Variants in UGT1A8 observed in about 807,000 individuals in gnomAD.
UGT1A8 encodes UDP-glucuronosyltransferase 1A8.
In UGT1A8, 39 loss-of-function variants were observed where a neutral mutation model predicts 45.3. That is an observed-to-expected ratio of 0.86 (90% confidence interval 0.67 to 1.12). The LOEUF is 1.12. Ranked by LOEUF, UGT1A8 falls within the 50% of genes most tolerant of loss-of-function variation. The probability of loss-of-function intolerance (pLI) is 0.00; values close to 1 mark genes in which losing one functional copy is unlikely to be tolerated. For synonymous variants in UGT1A8, 275 were observed against 249.2 expected (o/e 1.10, Z -0.97); for missense variants, 719 against 664.9 (o/e 1.08, Z -0.90).
chr2:233,644,877 GTAGA>G (rs1464039375), intron 1 of UGT1A8, among the ~76,000 whole-genome samples: 3 of 152,138 alleles, frequency 2.0e-5, no homozygotes, highest in Non-Finnish European at 2.9e-5. Context: ...TTTTTCCTGT[GTAGA>G]TAGTTGCTAA....
At chr2:233,707,081 A>G (rs1294387634) in intron 1 of UGT1A8, among the ~76,000 whole-genome samples, 1 of 152,056 alleles carries the variant, frequency 6.6e-6, no homozygotes, top group Non-Finnish European at 1.5e-5. Flanking sequence ...CATGTGCTCC[A>G]CTTTGCATGG....
chr2:233,671,223 C>T (rs2074182563), intron 1 of UGT1A8, among the ~76,000 whole-genome samples: 1 of 152,200 alleles, frequency 6.6e-6, no homozygotes, highest in African/African-American at 2.4e-5. Context: ...CAGCAGAGTG[C>T]TCTCGCAAGG....
chr2:233,767,810 T>C lies in UGT1A8; in HGVS notation c.988-39T>C, dbSNP rs547285080. ...GCAGATTTGTTTTCTAATCATATTA[T>C]GTTCTTTCTTTACGTTCTGCTCTTT... On this transcript the variant is annotated intron_variant, in intron 2 of 4. Transcript: ENST00000373450. 20 of 1,614,194 alleles carry C rather than the reference T, an allele frequency of 1.2e-5. No homozygotes were observed. The South Asian group carries it at 1.9e-4, about 15-fold the overall frequency.
chr2:233,649,559 A>T (rs1053598206), intron 1 of UGT1A8, among the ~76,000 whole-genome samples: 8 of 152,182 alleles, frequency 5.3e-5, no homozygotes, highest in African/African-American at 1.9e-4. Flanking sequence ...ATCAGGCTGG[A>T]CATGTTGTTC....
intron 1 of UGT1A8, among the ~76,000 whole-genome samples, chr2:233,634,375 T>C (rs1290624070): frequency 6.6e-6 from 1 of 152,230 alleles, no homozygotes; most frequent in African/African-American, 2.4e-5. Flanking sequence ...GTGAATTTTC[T>C]GTCTCGTTGA....
At chr2:233,687,854 G>T (rs910544151) in intron 1 of UGT1A8, among the ~76,000 whole-genome samples, 1 of 152,130 alleles carries the variant, frequency 6.6e-6, no homozygotes, top group Non-Finnish European at 1.5e-5. Flanking sequence ...GCTGCAGTAA[G>T]CCATGACTAT....
At chr2:233,670,674 A>G (rs889775848) in intron 1 of UGT1A8, among the ~76,000 whole-genome samples, 4 of 152,162 alleles carry the variant, frequency 2.6e-5, no homozygotes, top group African/African-American at 4.8e-5. Context: ...TCACAGATTC[A>G]TATCTTGAAA....
At chr2:233,743,643 T>G in intron 1 of UGT1A8, 3 of 1,367,286 alleles carry the variant, frequency 2.2e-6, no homozygotes, top group Non-Finnish European at 2.9e-6. Context: ...TCGCGGAAGC[T>G]GAAGACGTAC....
chr2:233,713,635 T>C (rs1231856899), intron 1 of UGT1A8: 3 of 1,613,986 alleles, frequency 1.9e-6, no homozygotes, highest in Non-Finnish European at 2.5e-6. Flanking sequence ...AAGAACATGC[T>C]CTACCCTCTG....
intron 1 of UGT1A8, chr2:233,713,976 T>C: frequency 6.3e-7 from 1 of 1,596,898 alleles, no homozygotes; most frequent in Non-Finnish European, 8.5e-7. Flanking sequence ...TTTCTGCTTC[T>C]CATTGTTGTA....
intron 1 of UGT1A8, among the ~76,000 whole-genome samples, chr2:233,688,000 T>C (rs2074873432): frequency 6.6e-6 from 1 of 152,242 alleles, no homozygotes; most frequent in South Asian, 2.1e-4. Flanking sequence ...TTCTGTGTGC[T>C]CCCAGATACA....
At chr2:233,677,067 A>G (rs1037275655) in intron 1 of UGT1A8, among the ~76,000 whole-genome samples, 1 of 151,932 alleles carries the variant, frequency 6.6e-6, no homozygotes, top group Non-Finnish European at 1.5e-5. Context: ...AAATAAGTTC[A>G]TTAATGTGTG....
intron 1 of UGT1A8, among the ~76,000 whole-genome samples, chr2:233,675,709 T>C (rs984826117): frequency 2.0e-5 from 3 of 152,236 alleles, no homozygotes; most frequent in Non-Finnish European, 4.4e-5. Flanking sequence ...TTAGGTTAAA[T>C]AATTTTCACT....
intron 1 of UGT1A8, among the ~76,000 whole-genome samples, chr2:233,626,686 T>C (rs2073089087): frequency 1.3e-5 from 2 of 152,064 alleles, no homozygotes; most frequent in Admixed American, 1.3e-4. Context: ...AGATTCTCTT[T>C]CCTAGTATTG....
chr2:233,634,343 A>T (rs1003316073), intron 1 of UGT1A8, among the ~76,000 whole-genome samples: 1 of 152,200 alleles, frequency 6.6e-6, no homozygotes, highest in Admixed American at 6.5e-5. Flanking sequence ...TCCAGAACTG[A>T]GTTCAAGTCC....
Position 233,772,820 on chromosome 2 carries a change from C to A in UGT1A8, c.*261C>A. On this transcript the variant is annotated 3_prime_UTR_variant, in exon 5 of 5. Coordinates refer to ENST00000373450, the MANE Select transcript of UGT1A8 (RefSeq NM_019076.5). ...TGCCATTTTTCAGAGGACGTGCAGACAGGCTGGCATTCTAGATTACTTTTC... is the reference window on the plus strand; with the variant it reads ...TGCCATTTTTCAGAGGACGTGCAGAAAGGCTGGCATTCTAGATTACTTTTC... 1 of 980,890 alleles carries A rather than the reference C, an allele frequency of 1.0e-6. No individual in the cohort carries two copies. The highest frequency in any genetic ancestry group is 1.4e-6 in the Non-Finnish European group (1 of 712,708). 60.8% of individuals were successfully genotyped at this position (980,890 alleles called of 1,614,324 possible).
intron 1 of UGT1A8, among the ~76,000 whole-genome samples, chr2:233,687,027 ATGTAGTGTT>A (rs2074817736): frequency 6.6e-6 from 1 of 152,202 alleles, no homozygotes; most frequent in African/African-American, 2.4e-5. Flanking sequence ...AGGTGGTTCA[ATGTAGTGTT>A]TGAGCACGCG....
At position 233,657,450 on chromosome 2, in the gene UGT1A8, C is replaced by T. The variant is rs892470905; in HGVS notation, c.855+38888C>T. ...TGCTGATCACAAGGTGAGAAAGAAG[C>T]AAGAGAAAAAGGAGGGGTTGCCAGG... On this transcript the variant is annotated intron_variant, in intron 1 of 4. Transcript: ENST00000373450. Among the ~76,000 whole-genome samples, 4 of 152,134 alleles carry T rather than the reference C, an allele frequency of 2.6e-5. No homozygotes were observed. In the South Asian group the frequency reaches 8.3e-4, roughly 32 times the overall value.
chr2:233,699,909 T>C (rs1178305639), intron 1 of UGT1A8, among the ~76,000 whole-genome samples: 3 of 152,182 alleles, frequency 2.0e-5, no homozygotes, highest in Non-Finnish European at 4.4e-5. Flanking sequence ...GTCAGTAGGA[T>C]ATACGTAGAG....
Sources: gnomAD v4.1 joint callset for allele counts (sites outside exome capture counted in the v4.1 genomes callset) on GRCh38, gnomAD v4.1.1 for gene constraint, MANE v1.5 for transcripts, NCBI Gene and HGNC (gene_info 2026-07-23, HGNC 2026-07-21) for gene names.